CENPP: variants seen among roughly 807,000 people sequenced by gnomAD.
CENPP encodes the protein centromere protein P.
Under a neutral mutation model 35.6 loss-of-function variants are expected in CENPP, and 24 were observed. The ratio of observed to expected loss-of-function variants is 0.67; its 90% CI spans 0.49 to 0.95. The LOEUF (loss-of-function observed/expected upper bound fraction) is 0.95. CENPP is among the 40% of genes least tolerant of loss of function. The pLI, the probability that CENPP is intolerant of heterozygous loss-of-function variation, is 0.00. For missense variants in CENPP, 332 were observed against 345.3 expected (o/e 0.96, Z 0.31); for synonymous variants, 120 against 125.5 (o/e 0.96, Z 0.29).
At chr9:92,538,414 C>A (rs932983262) in intron 5 of CENPP, among the ~76,000 whole-genome samples, 1 of 152,084 alleles carries the variant, frequency 6.6e-6, no homozygotes. Context: ...GTAATTACAG[C>A]GAGACTTTTA....
intron 5 of CENPP, among the ~76,000 whole-genome samples, chr9:92,562,730 A>G (rs776238875): frequency 1.3e-5 from 2 of 152,108 alleles, no homozygotes; most frequent in Non-Finnish European, 2.9e-5. Context: ...TTTGCTGGGA[A>G]TGGGGATTCT....
intron 5 of CENPP, among the ~76,000 whole-genome samples, chr9:92,594,883 G>A (rs2131378980): frequency 6.8e-6 from 1 of 146,804 alleles, no homozygotes; most frequent in South Asian, 2.2e-4. Context: ...GATGTGAGAG[G>A]TTGCTCTTCT....
chr9:92,557,705 C>T (rs1015155755), intron 5 of CENPP, among the ~76,000 whole-genome samples: 3 of 152,134 alleles, frequency 2.0e-5, no homozygotes, highest in Admixed American at 1.3e-4. Context: ...TGCAGTGGCA[C>T]GATCTCGTCT....
chr9:92,416,040 AATATATT>A (rs1471990135), intron 5 of CENPP, among the ~76,000 whole-genome samples: 1 of 115,232 alleles, frequency 8.7e-6, no homozygotes, highest in Non-Finnish European at 1.9e-5. Flanking sequence ...TATATAAATA[AATATATT>A]ATATATGTGT....
intron 5 of CENPP, among the ~76,000 whole-genome samples, chr9:92,470,107 G>A (rs775500959): frequency 6.6e-6 from 1 of 152,178 alleles, no homozygotes; most frequent in Non-Finnish European, 1.5e-5. Context: ...GGGATTATAG[G>A]CATGAGCCAC....
At chr9:92,493,999 T>A in intron 5 of CENPP, 1 of 1,402,342 alleles carries the variant, frequency 7.1e-7, no homozygotes, top group Non-Finnish European at 9.9e-7. Flanking sequence ...CAGGCCCCAG[T>A]GTGCTCGTCG....
chr9:92,537,443 C>T (rs566911806), intron 5 of CENPP, among the ~76,000 whole-genome samples: 1 of 152,086 alleles, frequency 6.6e-6, no homozygotes, highest in African/African-American at 2.4e-5. Context: ...GGTGGATCAC[C>T]TGAGGTTAGG....
intron 5 of CENPP, chr9:92,539,070 G>T: frequency 6.6e-6 from 1 of 152,090 alleles, no homozygotes; most frequent in East Asian, 1.9e-4. Context: ...TGTTCAGCCC[G>T]AATAAGGAGG....
At chr9:92,553,130 G>A (rs1849649294) in intron 5 of CENPP, among the ~76,000 whole-genome samples, 1 of 152,062 alleles carries the variant, frequency 6.6e-6, no homozygotes, top group Non-Finnish European at 1.5e-5. Flanking sequence ...CCTACACGTG[G>A]CTAGCCAATT....
At chr9:92,349,181 A>G (rs1043637041) in intron 4 of CENPP, among the ~76,000 whole-genome samples, 6 of 152,058 alleles carry the variant, frequency 3.9e-5, no homozygotes, top group African/African-American at 9.7e-5. Flanking sequence ...GATAATTTCT[A>G]TTAACCTATC....
chr9:92,562,207 C>CTTTTT (rs1403227581), intron 5 of CENPP, among the ~76,000 whole-genome samples: 1 of 131,420 alleles, frequency 7.6e-6, no homozygotes. Context: ...TTTTTCTTTT[C>CTTTTT]TTTTTTTTTT....
chr9:92,619,761 C>T lies in CENPP; in HGVS notation c.*6612C>T. 1 of 602,646 alleles carries T rather than the reference C, an allele frequency of 1.7e-6. No individual in the cohort carries two copies. Among genetic ancestry groups the T allele is most frequent in the Admixed American group, 2.6e-5 (1 of 38,562 alleles). The allele number at this position is 602,646 out of a possible 1,614,324, so 37.3% of individuals were successfully genotyped here. ...GAGCACCTGGGCCAGCCCTCAGTGCCACGGGGCTGCTCAGAGGCCAGCACC... is the reference window on the plus strand; with the variant it reads ...GAGCACCTGGGCCAGCCCTCAGTGCTACGGGGCTGCTCAGAGGCCAGCACC... On this transcript the variant is annotated 3_prime_UTR_variant, in exon 8 of 8. Transcript: ENST00000375587.
chr9:92,342,939 C>T (rs751648099), intron 3 of CENPP, among the ~76,000 whole-genome samples: 2 of 152,130 alleles, frequency 1.3e-5, no homozygotes, highest in Non-Finnish European at 2.9e-5. Context: ...TACCATTTTA[C>T]ATACTGAGCA....
chr9:92,387,719 G>A (rs956558096), intron 5 of CENPP, among the ~76,000 whole-genome samples: 1 of 152,084 alleles, frequency 6.6e-6, no homozygotes, highest in African/African-American at 2.4e-5. Flanking sequence ...GACTGTAGCA[G>A]CTTAGGACAT....
intron 5 of CENPP, among the ~76,000 whole-genome samples, chr9:92,590,272 A>G (rs1028468940): frequency 3.3e-5 from 5 of 152,180 alleles, no homozygotes; most frequent in Non-Finnish European, 5.9e-5. Context: ...TTTCTTCTCA[A>G]TGCATTCTCT....
chr9:92,584,884 G>A (rs753573275), intron 5 of CENPP, among the ~76,000 whole-genome samples: 4 of 151,640 alleles, frequency 2.6e-5, no homozygotes, highest in Non-Finnish European at 5.9e-5. Context: ...ATGTACATTC[G>A]TACATTCATG....
intron 5 of CENPP, among the ~76,000 whole-genome samples, chr9:92,431,927 A>G (rs1051311355): frequency 6.6e-6 from 1 of 152,120 alleles, no homozygotes; most frequent in Non-Finnish European, 1.5e-5. Context: ...CAAGTTCATT[A>G]TATCTCATAG....
At chr9:92,487,486 G>T (rs1846087329) in intron 5 of CENPP, among the ~76,000 whole-genome samples, 1 of 152,264 alleles carries the variant, frequency 6.6e-6, no homozygotes, top group South Asian at 2.1e-4. Context: ...AGAAAAGAGG[G>T]TTAAAAGGAT....
chr9:92,405,133 T>C (rs1843270392), intron 5 of CENPP, among the ~76,000 whole-genome samples: 1 of 152,170 alleles, frequency 6.6e-6, no homozygotes, highest in Non-Finnish European at 1.5e-5. Flanking sequence ...AATTAGCTTT[T>C]TAAAAGTAAA....
Sources: gnomAD v4.1 joint callset for allele counts (sites outside exome capture counted in the v4.1 genomes callset) on GRCh38, gnomAD v4.1.1 for gene constraint, MANE v1.5 for transcripts, NCBI Gene and HGNC (gene_info 2026-07-23, HGNC 2026-07-21) for gene names.